Variants in AHCYL2 observed in about 807,000 individuals in gnomAD.
AHCYL2 encodes the protein adenosylhomocysteinase like 2.
Under a neutral mutation model 81.4 loss-of-function variants are expected in AHCYL2, and 28 were observed. The observed-to-expected ratio is 0.34, with a 90% CI of 0.25 to 0.47. The LOEUF (loss-of-function observed/expected upper bound fraction) is 0.47. Ranked by LOEUF, AHCYL2 falls within the 20% of genes least tolerant of loss-of-function variation. AHCYL2 has a pLI of 1.00. For synonymous variants in AHCYL2, 272 were observed against 290.2 expected (o/e 0.94, Z 0.64); for missense variants, 551 against 785.1 (o/e 0.70, Z 3.56).
At chr7:129,260,797 T>G (rs1030235334) in intron 1 of AHCYL2, among the ~76,000 whole-genome samples, 1 of 152,164 alleles carries the variant, frequency 6.6e-6, no homozygotes, top group African/African-American at 2.4e-5. Context: ...GGTTTCAATT[T>G]TTTTTTTTTG....
intron 1 of AHCYL2, among the ~76,000 whole-genome samples, chr7:129,340,856 G>C (rs932374873): frequency 3.9e-5 from 6 of 151,976 alleles, no homozygotes; most frequent in Non-Finnish European, 4.4e-5. Flanking sequence ...GAATACTTTG[G>C]ATAAGCTTAT....
At chr7:129,367,990 T>C in intron 1 of AHCYL2, 1 of 560,850 alleles carries the variant, frequency 1.8e-6, no homozygotes, top group Non-Finnish European at 2.3e-6. Context: ...GCCTGTTTAC[T>C]GATCCAAATC....
At chr7:129,409,430 C>T in intron 10 of AHCYL2, 46 bp from the exon 11 acceptor site, 1 of 1,517,486 alleles carries the variant, frequency 6.6e-7, no homozygotes, top group Non-Finnish European at 9.1e-7. Flanking sequence ...TTAAAAGGCT[C>T]CCCAGCTGCC....
chr7:129,247,466 A>AT (rs1455554315), intron 1 of AHCYL2, among the ~76,000 whole-genome samples: 1 of 152,084 alleles, frequency 6.6e-6, no homozygotes, highest in Non-Finnish European at 1.5e-5. Flanking sequence ...AATACAAAAG[A>AT]TTTTTCAGAT....
intron 7 of AHCYL2, 71 bp from the exon 8 acceptor site, chr7:129,405,026 G>A: frequency 1.1e-6 from 1 of 932,960 alleles, no homozygotes; most frequent in Non-Finnish European, 1.6e-6. Flanking sequence ...GTATTTCTGG[G>A]GCCTCCTATG....
rs771538582 is a variant in AHCYL2 at position 129,379,622 on chromosome 7, G to C, written c.364-16G>C. The C allele has an allele frequency of 2.4e-5, 38 of 1,603,502 alleles. No homozygotes were observed. Among genetic ancestry groups the C allele is most frequent in the Non-Finnish European group, 3.2e-5 (37 of 1,173,682 alleles). ...GAGGTTCTTTTTCTTTATATAACTA[G>C]GTTTCTTTTTCTTAGCAGATCCAGT... On this transcript the variant is annotated splice_polypyrimidine_tract_variant and intron_variant, in intron 1 of 16. Transcript: ENST00000325006.
intron 1 of AHCYL2, among the ~76,000 whole-genome samples, chr7:129,379,110 G>C (rs921979579): frequency 1.3e-5 from 2 of 151,846 alleles, no homozygotes; most frequent in Admixed American, 6.6e-5. Flanking sequence ...GTGAAATGCT[G>C]TCTCTACTAA....
chr7:129,244,204 A>C (rs1426318120), intron 1 of AHCYL2, among the ~76,000 whole-genome samples: 3 of 146,330 alleles, frequency 2.1e-5, no homozygotes, highest in Admixed American at 6.9e-5. Context: ...GAGTCTTGCT[A>C]TGTTGCCCAG....
At chr7:129,420,235 A>G (rs1464334822) in intron 12 of AHCYL2, among the ~76,000 whole-genome samples, 1 of 152,144 alleles carries the variant, frequency 6.6e-6, no homozygotes, top group African/African-American at 2.4e-5. Flanking sequence ...ACTTCCAAAG[A>G]TGGGTTTTAG....
chr7:129,262,500 A>G (rs117885527), intron 1 of AHCYL2, among the ~76,000 whole-genome samples: 1,731 of 152,346 alleles, frequency 0.011, 20 homozygotes, highest in Middle Eastern at 0.031. Flanking sequence ...CATCCTCTGT[A>G]GACTGGCCAG....
intron 1 of AHCYL2, among the ~76,000 whole-genome samples, chr7:129,262,417 A>G (rs1287323641): frequency 2.6e-5 from 4 of 152,220 alleles, no homozygotes; most frequent in Admixed American, 6.5e-5. Context: ...CAGTATTAGC[A>G]TGATCCAAGG....
intron 1 of AHCYL2, among the ~76,000 whole-genome samples, chr7:129,296,197 G>A (rs577450924): frequency 1.4e-4 from 22 of 152,006 alleles, no homozygotes; most frequent in Non-Finnish European, 3.1e-4. Flanking sequence ...ACTATATTTA[G>A]GAGAAAACAC....
Position 129,422,847 on chromosome 7 carries a change from T to C in AHCYL2, c.1469T>C (p.Leu490Pro), listed in dbSNP as rs1344014591. The C allele has an allele frequency of 6.2e-7, 1 of 1,614,104 alleles. No homozygotes were observed. Among genetic ancestry groups the C allele is most frequent in the South Asian group, 1.1e-5 (1 of 91,072 alleles). Residue 490 changes from leucine to proline, a missense_variant, in exon 13 of 17, where the codon CTG (leucine) becomes CCG (proline). This residue lies in a region of AHCYL2 where 316 missense variants were observed against 543.1 expected (regional missense o/e 0.58). Transcript: ENST00000325006. ...TTGCTGTATGTGTTCCAGGCGAGTC[T>C]GCGGACACCAGAACTGACCTGGGAG... The part of the protein sequence containing the change: ...HSNTEIDVAS[L>P]RTPELTWERV...
chr7:129,248,716 T>A (rs1263508452), intron 1 of AHCYL2, among the ~76,000 whole-genome samples: 3 of 151,862 alleles, frequency 2.0e-5, no homozygotes, highest in African/African-American at 7.3e-5. Context: ...CAGAAAAAGC[T>A]TGCTAGGATT....
At chr7:129,373,302 T>C (rs577610691) in intron 1 of AHCYL2, among the ~76,000 whole-genome samples, 1 of 152,186 alleles carries the variant, frequency 6.6e-6, no homozygotes, top group Non-Finnish European at 1.5e-5. Context: ...TCCCAGCACT[T>C]TGGGAGGCCG....
intron 1 of AHCYL2, among the ~76,000 whole-genome samples, chr7:129,280,189 T>TTTTTTTTTTTTTGG (rs1563179028): frequency 6.7e-6 from 1 of 148,948 alleles, no homozygotes; most frequent in African/African-American, 2.5e-5. Context: ...TTTTTTTTTT[T>TTTTTTTTTTTTTGG]GAGAGAGTCT....
intron 1 of AHCYL2, among the ~76,000 whole-genome samples, chr7:129,308,187 G>A (rs1006087599): frequency 6.7e-6 from 1 of 150,298 alleles, no homozygotes; most frequent in Non-Finnish European, 1.5e-5. Flanking sequence ...AGTCCTAGTG[G>A]CCTAGACAGC....
At chr7:129,371,305 C>T (rs1024579108) in intron 1 of AHCYL2, among the ~76,000 whole-genome samples, 1 of 152,188 alleles carries the variant, frequency 6.6e-6, no homozygotes, top group Non-Finnish European at 1.5e-5. Context: ...ACAACATCTC[C>T]CTTTTGTTAA....
At chr7:129,350,858 G>A (rs915502306) in intron 1 of AHCYL2, among the ~76,000 whole-genome samples, 5 of 150,154 alleles carry the variant, frequency 3.3e-5, no homozygotes, top group African/African-American at 9.8e-5. Flanking sequence ...CTCCCGCCAT[G>A]ATGCCCCGCT....
Sources: allele counts gnomAD v4.1 joint callset (sites outside exome capture counted in the v4.1 genomes callset), GRCh38; gene constraint gnomAD v4.1.1; regional missense constraint gnomAD v4.1.1; transcripts MANE v1.5; gene names NCBI Gene and HGNC (gene_info 2026-07-23, HGNC 2026-07-21).